The following TMEM244 variants were observed in gnomAD, a reference collection of about 807,000 sequenced individuals.
TMEM244 encodes transmembrane protein 244, also known as putative transmembrane protein 244.
Under a neutral mutation model 15.8 loss-of-function variants are expected in TMEM244, and 13 were observed. The ratio of observed to expected loss-of-function variants is 0.82; its 90% CI spans 0.53 to 1.30. The LOEUF is 1.30. Among genes scored for constraint, TMEM244 ranks in the 50% most tolerant of loss-of-function variants. The pLI is 0.00. For missense variants in TMEM244, 161 were observed against 144.9 expected, an observed-to-expected ratio of 1.11 and a Z score of -0.57; for synonymous variants, 45 against 48.7, an observed-to-expected ratio of 0.92 and a Z score of 0.32.
chr6:129,841,862 C>T (rs779563001), intron 3 of TMEM244, among the ~76,000 whole-genome samples: 13 of 152,146 alleles, frequency 8.5e-5, no homozygotes, highest in Admixed American at 7.9e-4. Flanking sequence ...TAAATACATG[C>T]CAAAGTCTCT....
chr6:129,857,755 C>A (rs1009255917), intron 1 of TMEM244, among the ~76,000 whole-genome samples: 5 of 151,730 alleles, frequency 3.3e-5, no homozygotes, highest in African/African-American at 9.7e-5. Context: ...TTAAGTAATA[C>A]ACCAGCTTTA....
At chr6:129,834,470 A>T (rs1056579381) in intron 3 of TMEM244, among the ~76,000 whole-genome samples, 2 of 71,326 alleles carry the variant, frequency 2.8e-5, no homozygotes, top group Admixed American at 1.0e-4. Context: ...ATTCAGGAAT[A>T]AATAAATCTA....
chr6:129,859,043 T>C (rs187145779), intron 1 of TMEM244, among the ~76,000 whole-genome samples: 3 of 152,132 alleles, frequency 2.0e-5, no homozygotes, highest in Admixed American at 1.3e-4. Flanking sequence ...GATCGTCCGG[T>C]TTGGCCTCCT....
intron 3 of TMEM244, among the ~76,000 whole-genome samples, chr6:129,840,554 G>A (rs559545502): frequency 6.6e-6 from 1 of 152,120 alleles, no homozygotes; most frequent in Non-Finnish European, 1.5e-5. Context: ...AAAAGCAATG[G>A]CAACAAGAGC....
At chr6:129,860,406 C>T (rs1415490511) in intron 1 of TMEM244, among the ~76,000 whole-genome samples, 2 of 152,056 alleles carry the variant, frequency 1.3e-5, no homozygotes, top group Non-Finnish European at 2.9e-5. Flanking sequence ...CTCAACATTT[C>T]TCACTGATGA....
At chr6:129,836,129 G>A (rs1034237804) in intron 3 of TMEM244, among the ~76,000 whole-genome samples, 8 of 152,048 alleles carry the variant, frequency 5.3e-5, no homozygotes, top group Non-Finnish European at 7.4e-5. Context: ...CCTGACCCCC[G>A]TGTAGCCTGA....
chr6:129,851,858 C>T lies in TMEM244; in HGVS notation c.34-6006G>A, dbSNP rs9483070. Among the ~76,000 whole-genome samples, 970 of 152,240 alleles carry T rather than the reference C, an allele frequency of 6.4e-3. 15 individuals are homozygous for T. The highest frequency in any genetic ancestry group is 0.022 in the African/African-American group (928 of 41,542). On this transcript the variant is annotated intron_variant, in intron 1 of 4. Transcript: ENST00000368143. The stretch of plus-strand genomic sequence containing the variant: ...TTGGCTACTGCCAAACTTTTTATTA[C>T]GTTTTTAAATATATTTGGATCCTGA...
rs186421450 is a variant in TMEM244, at chr6:129,848,427, G to A, written c.34-2575C>T. On this transcript the variant is annotated intron_variant, in intron 1 of 4. Coordinates refer to ENST00000368143, the MANE Select transcript of TMEM244 (RefSeq NM_001010876.2). ...ATGTCAGGTTTATGACATCATGACTGCGCTTCCGGGGACAGGCACCTACTG... is the reference window on the plus strand; with the variant it reads ...ATGTCAGGTTTATGACATCATGACTACGCTTCCGGGGACAGGCACCTACTG... Among the ~76,000 whole-genome samples the A allele has an allele frequency of 2.1e-3, 316 of 152,280 alleles. 3 individuals are homozygous for A. Among genetic ancestry groups the A allele is most frequent in the Non-Finnish European group, 3.0e-3 (207 of 68,028 alleles).
At chr6:129,832,094 T>TG (rs1491138273) in intron 4 of TMEM244, among the ~76,000 whole-genome samples, 1 of 91,670 alleles carries the variant, frequency 1.1e-5, no homozygotes, top group Non-Finnish European at 2.6e-5. Flanking sequence ...CAGATTGTAC[T>TG]TTTTTTTTTT....
At chr6:129,847,945 T>C (rs1776582900) in intron 1 of TMEM244, among the ~76,000 whole-genome samples, 2 of 152,082 alleles carry the variant, frequency 1.3e-5, no homozygotes, top group South Asian at 2.1e-4. Context: ...CAGCTAATTT[T>C]GTATTTTTAG....
intron 1 of TMEM244, among the ~76,000 whole-genome samples, chr6:129,849,368 C>A (rs959359659): frequency 1.3e-5 from 2 of 152,160 alleles, no homozygotes; most frequent in Non-Finnish European, 2.9e-5. Context: ...CGAATCTACA[C>A]CCTACAGAGC....
Position 129,861,296 on chromosome 6 carries a change from T to A in TMEM244, c.-108A>T. 7.7e-7 allele frequency: 1 copy of A among 1,302,364 alleles called. No individual in the cohort carries two copies. The highest frequency in any genetic ancestry group is 1.1e-6 in the Non-Finnish European group (1 of 908,530). The allele number at this position is 1,302,364 out of a possible 1,614,324, so 80.7% of individuals were successfully genotyped here. A position where few individuals can be genotyped will look rare whatever the true frequency, so the allele number is the denominator to read the frequency against. On this transcript the variant is annotated 5_prime_UTR_variant, in exon 1 of 5. Transcript: ENST00000368143. ...GAGCTTTTCAATTACTCCTGGAGAC[T>A]AAGTGTGAGACGCAGTAGTGCAGGA...
chr6:129,851,422 C>T (rs1776636575), intron 1 of TMEM244, among the ~76,000 whole-genome samples: 1 of 152,130 alleles, frequency 6.6e-6, no homozygotes, highest in Admixed American at 6.5e-5. Flanking sequence ...GTGTCTGCCA[C>T]CATGCCCAGC....
chr6:129,851,457 A>G (rs1347289658), intron 1 of TMEM244, among the ~76,000 whole-genome samples: 1 of 152,050 alleles, frequency 6.6e-6, no homozygotes, highest in Non-Finnish European at 1.5e-5. Flanking sequence ...TTTAGTAGAG[A>G]CGGGGTTTCA....
chr6:129,860,144 T>C (rs1776781343), intron 1 of TMEM244, among the ~76,000 whole-genome samples: 1 of 137,194 alleles, frequency 7.3e-6, no homozygotes, highest in Non-Finnish European at 1.6e-5. Context: ...TGTGTGTGTG[T>C]GTGTCTGTCT....
At chr6:129,841,025 A>G (rs2114636948) in intron 3 of TMEM244, among the ~76,000 whole-genome samples, 1 of 152,334 alleles carries the variant, frequency 6.6e-6, no homozygotes, top group Middle Eastern at 3.4e-3. Flanking sequence ...GCGATCCCTC[A>G]AGGATCTAGA....
intron 1 of TMEM244, among the ~76,000 whole-genome samples, chr6:129,847,836 A>G (rs577590173): frequency 1.9e-3 from 271 of 145,114 alleles, no homozygotes; most frequent in African/African-American, 6.1e-3. Flanking sequence ...GTGCAATGGC[A>G]TGATCTCGGC....
At chr6:129,854,344 C>A (rs1241554867) in intron 1 of TMEM244, among the ~76,000 whole-genome samples, 1 of 152,008 alleles carries the variant, frequency 6.6e-6, no homozygotes, top group African/African-American at 2.4e-5. Context: ...TGAACAGTAC[C>A]CCAGATAAAA....
intron 3 of TMEM244, among the ~76,000 whole-genome samples, chr6:129,836,671 AC>A (rs2114633937): frequency 6.6e-6 from 1 of 152,278 alleles, no homozygotes; most frequent in South Asian, 2.1e-4. Context: ...GAAGCTAAAA[AC>A]CTTGAAAAAA....
Sources: gnomAD v4.1 joint callset for allele counts (sites outside exome capture counted in the v4.1 genomes callset) on GRCh38, gnomAD v4.1.1 for gene constraint, MANE v1.5 for transcripts, NCBI Gene and HGNC (gene_info 2026-07-23, HGNC 2026-07-21) for gene names.